POLN: variants seen among roughly 807,000 people sequenced by gnomAD.
The protein encoded by POLN is DNA polymerase nu, also known as DNA polymerase N.
Under a neutral mutation model 113.5 loss-of-function variants are expected in POLN, and 108 were observed. The observed-to-expected ratio is 0.95, with a 90% CI of 0.81 to 1.12. The LOEUF (loss-of-function observed/expected upper bound fraction) is 1.12, where lower values mean the gene tolerates loss of function less well. Ranked by LOEUF, POLN falls within the 50% of genes most tolerant of loss-of-function variation. The pLI is 0.00. For missense variants in POLN, 1,097 were observed against 1,077.1 expected (o/e 1.02, Z -0.26); for synonymous variants, 386 against 391.5 (o/e 0.99, Z 0.17).
intron 19 of POLN, among the ~76,000 whole-genome samples, chr4:2,106,473 C>T (rs771516160): frequency 2.0e-5 from 3 of 151,832 alleles, no homozygotes; most frequent in Non-Finnish European, 2.9e-5. Flanking sequence ...ATTTTTTTTG[C>T]CCAGGGAATA....
Position 2,087,692 on chromosome 4 carries a change from T to TGA in POLN, c.2066-1949_2066-1948insTC, listed in dbSNP as rs35025284. Among the ~76,000 whole-genome samples, 3 of 152,352 alleles carry TGA rather than the reference T, an allele frequency of 2.0e-5. No homozygotes were observed. The East Asian group carries it at 5.8e-4, about 29-fold the overall frequency. ...TTCCAACATCTGGGTCATCTCAGGA[T>TGA]CTGTTTCCATGATTGCCTTCTCTCT... On this transcript the variant is annotated intron_variant, in intron 20 of 25. Transcript: ENST00000511885.
At chr4:2,107,916 G>A (rs768823694) in intron 19 of POLN, among the ~76,000 whole-genome samples, 1 of 152,200 alleles carries the variant, frequency 6.6e-6, no homozygotes, top group African/African-American at 2.4e-5. Flanking sequence ...CTTGCCATAA[G>A]CCAGGCACTG....
intron 4 of POLN, among the ~76,000 whole-genome samples, chr4:2,210,582 A>AAATAAT (rs376506693): frequency 3.1e-4 from 37 of 121,150 alleles, no homozygotes; most frequent in South Asian, 2.0e-3. Flanking sequence ...GAAAGTCTCA[A>AAATAAT]AATAATAATA....
At chr4:2,086,338 CTT>C (rs1368645848) in intron 20 of POLN, among the ~76,000 whole-genome samples, 2 of 152,132 alleles carry the variant, frequency 1.3e-5, no homozygotes, top group East Asian at 3.8e-4. Context: ...AAAAAAAGGA[CTT>C]TGGCTGGGCA....
intron 14 of POLN, 136 bp downstream of exon 14, chr4:2,159,019 A>T: frequency 6.9e-6 from 5 of 724,556 alleles, no homozygotes; most frequent in Non-Finnish European, 9.7e-6. Flanking sequence ...GTACAAGGTT[A>T]ACCTGACAAA....
At chr4:2,147,634 TTTTCTTTTC>T (rs1370172354) in intron 16 of POLN, among the ~76,000 whole-genome samples, 2 of 61,906 alleles carry the variant, frequency 3.2e-5, no homozygotes, top group Admixed American at 2.3e-4. Flanking sequence ...GACATCCAGT[TTTTCTTTTC>T]TTTTTTTTTT....
At chr4:2,236,097 T>C (rs1734754124) in intron 2 of POLN, 6 of 567,064 alleles carry the variant, frequency 1.1e-5, no homozygotes, top group Non-Finnish European at 1.9e-5. Flanking sequence ...AATTAGGAGA[T>C]ATAGAAATAT....
At chr4:2,241,136 C>T (rs540759866) in intron 2 of POLN, 15 of 508,534 alleles carry the variant, frequency 2.9e-5, no homozygotes, top group Non-Finnish European at 4.7e-5. Context: ...AATATGACGA[C>T]AGTGTTTTTA....
chr4:2,240,617 C>T lies in POLN; in HGVS notation c.-13+903G>A, dbSNP rs756738734. The T allele has an allele frequency of 1.9e-6, 3 of 1,613,092 alleles. No homozygotes were observed. In the African/African-American group the frequency reaches 4.0e-5, roughly 22 times the overall value. On this transcript the variant is annotated intron_variant, in intron 2 of 25. Transcript: ENST00000511885. ...GCTGAATTTTTAGGTTCTTTAATTTCAGTAGAGTTTGAACCTCATCCTCTA... is the reference window on the plus strand; with the variant it reads ...GCTGAATTTTTAGGTTCTTTAATTTTAGTAGAGTTTGAACCTCATCCTCTA...
At chr4:2,195,413 A>G (rs1733549288) in intron 6 of POLN, among the ~76,000 whole-genome samples, 1 of 151,554 alleles carries the variant, frequency 6.6e-6, no homozygotes, top group Non-Finnish European at 1.5e-5. Context: ...GCAGTGGGGT[A>G]CCATCTCATA....
intron 2 of POLN, among the ~76,000 whole-genome samples, chr4:2,239,524 G>C (rs1205400955): frequency 6.6e-6 from 1 of 152,148 alleles, no homozygotes; most frequent in African/African-American, 2.4e-5. Flanking sequence ...TTTTACTCAA[G>C]TATCTAGCAG....
chr4:2,189,574 G>A (rs1733383755), intron 7 of POLN, among the ~76,000 whole-genome samples: 1 of 150,806 alleles, frequency 6.6e-6, no homozygotes. Flanking sequence ...AGGAGGCAGA[G>A]CTTGCAGTAA....
At chr4:2,129,511 C>T (rs1416990032) in intron 17 of POLN, among the ~76,000 whole-genome samples, 1 of 152,044 alleles carries the variant, frequency 6.6e-6, no homozygotes, top group Non-Finnish European at 1.5e-5. Flanking sequence ...GCCTCAGCTT[C>T]CCAAAGCAGC....
chr4:2,231,137 A>G (rs1734565486), intron 2 of POLN: 1 of 152,220 alleles, frequency 6.6e-6, no homozygotes, highest in Non-Finnish European at 1.5e-5. Context: ...ACTCTGTGGT[A>G]CAAGTAGGGA....
chr4:2,202,064 G>C (rs1382531373), intron 5 of POLN, among the ~76,000 whole-genome samples: 1 of 151,816 alleles, frequency 6.6e-6, no homozygotes, highest in East Asian at 1.9e-4. Context: ...CATCAAAACA[G>C]AATCTCTTTA....
chr4:2,211,930 T>C (rs749234746), intron 4 of POLN, among the ~76,000 whole-genome samples: 1 of 152,058 alleles, frequency 6.6e-6, no homozygotes, highest in Non-Finnish European at 1.5e-5. Flanking sequence ...AGAGATACAA[T>C]TTCCATTCAT....
At chr4:2,229,936 G>GC (rs1182496608) in intron 2 of POLN, 1 of 152,278 alleles carries the variant, frequency 6.6e-6, no homozygotes, top group Non-Finnish European at 1.5e-5. Flanking sequence ...TACCATCCGT[G>GC]CCTTGATCTG....
chr4:2,182,402 G>T (rs1213420945), intron 7 of POLN, among the ~76,000 whole-genome samples: 2 of 152,150 alleles, frequency 1.3e-5, no homozygotes, highest in Admixed American at 1.3e-4. Flanking sequence ...GCCACATGAG[G>T]ATGGAAGCAG....
Position 2,170,718 on chromosome 4 carries a change from T to C in POLN, c.1515A>G (p.Arg505=). Residue 505 remains arginine (R), a synonymous_variant, in exon 13 of 26, where the codon AGA becomes AGG. Coordinates refer to ENST00000511885, the MANE Select transcript of POLN (RefSeq NM_181808.4). ...HLLSQRNSLP[R]TGLQKYPSTS... ...TAGACGGGTATTTCTGCAACCCCGTTCTGGGGAGACTGTTCCTTTGACTCA... is the reference window on the plus strand; with the variant it reads ...TAGACGGGTATTTCTGCAACCCCGTCCTGGGGAGACTGTTCCTTTGACTCA... 6.2e-7 allele frequency: 1 copy of C among 1,614,192 alleles called. No homozygotes were observed. Among genetic ancestry groups the C allele is most frequent in the South Asian group, 1.1e-5 (1 of 91,066 alleles).
Sources: allele counts gnomAD v4.1 joint callset (sites outside exome capture counted in the v4.1 genomes callset), GRCh38; gene constraint gnomAD v4.1.1; transcripts MANE v1.5; gene names NCBI Gene and HGNC (gene_info 2026-07-23, HGNC 2026-07-21).